The following EML5 variants were observed in gnomAD, a reference collection of about 807,000 sequenced individuals.
The protein encoded by EML5 is EMAP like 5, also known as echinoderm microtubule-associated protein-like 5.
In EML5, 120 loss-of-function variants were observed where a neutral mutation model predicts 250.0. The observed-to-expected ratio is 0.48, with a 90% CI of 0.41 to 0.56. The LOEUF is 0.56. EML5 is among the 20% of genes least tolerant of loss of function. The pLI is 0.00. For synonymous variants in EML5, 771 were observed against 806.5 expected (o/e 0.96, Z 0.75); for missense variants, 2,006 against 2,437.6 (o/e 0.82, Z 3.73).
chr14:88,718,367 G>T (rs1336592396), intron 8 of EML5, among the ~76,000 whole-genome samples: 1 of 152,180 alleles, frequency 6.6e-6, no homozygotes, highest in Admixed American at 6.6e-5. Context: ...GTAAAAAGAA[G>T]AGAAAGTCTA....
intron 25 of EML5, among the ~76,000 whole-genome samples, chr14:88,659,965 C>G (rs1171101502): frequency 6.6e-6 from 1 of 152,074 alleles, no homozygotes; most frequent in Admixed American, 6.6e-5. Context: ...TAATATATAA[C>G]TTAATTTGTG....
At chr14:88,686,489 G>C (rs1176810587) in intron 19 of EML5, among the ~76,000 whole-genome samples, 1 of 151,872 alleles carries the variant, frequency 6.6e-6, no homozygotes, top group East Asian at 1.9e-4. Flanking sequence ...AGGGAGTTGG[G>C]CCTGATGCTG....
chr14:88,618,830 G>A lies in EML5; in HGVS notation c.5376-18C>T, dbSNP rs376830332. ...GACTAAATCTGAATCAAAACAAAAC[G>A]TAAAAAGTATTAGACCACATGAAGT... On this transcript the variant is annotated intron_variant, in intron 39 of 43. Transcript: ENST00000554922. The A allele has an allele frequency of 1.2e-5, 18 of 1,555,310 alleles. No homozygotes were observed. Among genetic ancestry groups the A allele is most frequent in the African/African-American group, 2.7e-5 (2 of 73,032 alleles).
At chr14:88,756,889 G>C (rs1365839603) in intron 1 of EML5, among the ~76,000 whole-genome samples, 1 of 152,144 alleles carries the variant, frequency 6.6e-6, no homozygotes, top group East Asian at 1.9e-4. Context: ...ATATTTGTAA[G>C]ATGGCAATAC....
chr14:88,698,588 T>G (rs2093136019), intron 14 of EML5, among the ~76,000 whole-genome samples: 2 of 152,164 alleles, frequency 1.3e-5, no homozygotes, highest in South Asian at 4.1e-4. Flanking sequence ...CTACTGAGTT[T>G]CCTTCTCAAT....
chr14:88,660,633 C>T (rs1218119336), intron 25 of EML5, among the ~76,000 whole-genome samples: 1 of 152,000 alleles, frequency 6.6e-6, no homozygotes, highest in African/African-American at 2.4e-5. Flanking sequence ...ATCCCAGCTA[C>T]TCAGGGGGCT....
intron 6 of EML5, among the ~76,000 whole-genome samples, chr14:88,737,578 A>G (rs2093862986): frequency 1.3e-5 from 2 of 152,246 alleles, no homozygotes; most frequent in African/African-American, 4.8e-5. Context: ...ATCCTGTGTC[A>G]ATAATTCCAA....
chr14:88,686,027 A>G (rs2092824395), intron 19 of EML5, among the ~76,000 whole-genome samples: 1 of 152,140 alleles, frequency 6.6e-6, no homozygotes, highest in Admixed American at 6.5e-5. Context: ...ATACCCTTAC[A>G]GAGCATACAG....
At chr14:88,725,560 G>GCT (rs1333909423) in intron 8 of EML5, among the ~76,000 whole-genome samples, 1 of 152,100 alleles carries the variant, frequency 6.6e-6, no homozygotes, top group African/African-American at 2.4e-5. Flanking sequence ...TGAGAAATAG[G>GCT]CTGGAAAGAT....
intron 1 of EML5, among the ~76,000 whole-genome samples, chr14:88,791,515 A>G (rs1359914442): frequency 6.6e-6 from 1 of 152,218 alleles, no homozygotes; most frequent in African/African-American, 2.4e-5. Context: ...TTTCAAATAT[A>G]CCGCTCACTA....
chr14:88,744,168 GC>G (rs1386779681), intron 3 of EML5, 77 bp from the exon 4 acceptor site: 3 of 915,736 alleles, frequency 3.3e-6, no homozygotes, highest in Non-Finnish European at 4.8e-6. Flanking sequence ...AGACCAAATG[GC>G]CCAAACTCCT....
intron 27 of EML5, 33 bp downstream of exon 27, chr14:88,657,343 T>A: frequency 6.6e-7 from 1 of 1,524,002 alleles, no homozygotes; most frequent in Non-Finnish European, 8.8e-7. Context: ...GACAATATCT[T>A]TTTCTTCATC....
intron 29 of EML5, 119 bp downstream of exon 29, chr14:88,646,828 T>C (rs1470411667): frequency 1.2e-5 from 12 of 986,254 alleles, no homozygotes; most frequent in Non-Finnish European, 1.3e-5. Context: ...AGGAAAAAAA[T>C]GTGCAAAACT....
chr14:88,752,892 C>T (rs1250739624), intron 2 of EML5, among the ~76,000 whole-genome samples: 6 of 152,088 alleles, frequency 3.9e-5, no homozygotes, highest in Admixed American at 1.3e-4. Flanking sequence ...GATTATCTTC[C>T]CACTCCATCC....
At chr14:88,641,943 T>G (rs1005627696) in intron 31 of EML5, among the ~76,000 whole-genome samples, 1 of 152,198 alleles carries the variant, frequency 6.6e-6, no homozygotes, top group African/African-American at 2.4e-5. Context: ...CAGACAGACC[T>G]CGATTAAGAA....
Position 88,644,464 on chromosome 14 carries a change from T to C in EML5, c.4076A>G (p.Asn1359Ser). ...APPQPEKLQT[N>S]NVGKKKRPIE... Reference sequence around the variant, plus strand: ...AGGTCTCTTTTTCTTGCCTACATTGTTTGTCTGGAGTTTCTCTGGCTGTGG... The same window carrying C: ...AGGTCTCTTTTTCTTGCCTACATTGCTTGTCTGGAGTTTCTCTGGCTGTGG... Residue 1359 changes from asparagine (N) to serine (S), a missense_variant, in exon 30 of 44, where the codon AAC becomes AGC. By Grantham distance (46) the Asn-to-Ser change is conservative. This residue lies in a region of EML5 where 1,375 missense variants were observed against 1,590.3 expected (regional missense o/e 0.86). Transcript: ENST00000554922. The C allele has an allele frequency of 6.2e-7, 1 of 1,613,776 alleles. No individual in the cohort carries two copies. Among genetic ancestry groups the C allele is most frequent in the Non-Finnish European group, 8.5e-7 (1 of 1,179,764 alleles).
chr14:88,656,522 T>C (rs1212224398), intron 27 of EML5, among the ~76,000 whole-genome samples: 7 of 151,864 alleles, frequency 4.6e-5, no homozygotes, highest in African/African-American at 1.7e-4. Context: ...ATGTAGATGA[T>C]GGGCTGATGG....
Position 88,687,263 on chromosome 14 carries a change from A to G in EML5, c.2807T>C (p.Leu936Pro). Residue 936 changes from leucine to proline, a missense_variant, in exon 19 of 44, where the codon CTC (leucine) becomes CCC (proline). Physicochemically the swap from Leu to Pro is moderately conservative, Grantham distance 98. Transcript: ENST00000554922. ...AGCTCTTTTTATAGCATAGGTCTTGAGACATCTTTCAAAAGAGTCATCCCA... is the reference window on the plus strand; with the variant it reads ...AGCTCTTTTTATAGCATAGGTCTTGGGACATCTTTCAAAAGAGTCATCCCA... ...ALWDDSFERCLKTYAIKRAAL... is the reference protein window; with the variant it reads ...ALWDDSFERCPKTYAIKRAAL... 1.2e-6 allele frequency: 2 copies of G among 1,612,606 alleles called. No homozygotes were observed. Among genetic ancestry groups the G allele is most frequent in the Non-Finnish European group, 1.7e-6 (2 of 1,179,388 alleles).
At position 88,715,195 on chromosome 14, in the gene EML5, T is replaced by G; in HGVS notation, c.1188A>C (p.Arg396Ser). 1 of 1,577,576 alleles carries G rather than the reference T, an allele frequency of 6.3e-7. No individual in the cohort carries two copies. The highest frequency in any genetic ancestry group is 8.6e-7 in the Non-Finnish European group (1 of 1,161,656). The change falls in exon 9 of 44, where the codon AGA (arginine) becomes AGC (serine). Residue 396 changes from arginine to serine, a missense_variant and splice_region_variant. Coordinates refer to ENST00000554922, the MANE Select transcript of EML5 (RefSeq NM_183387.3). Reference protein sequence around the residue: ...KDGSFTVLRVRDMTEVVHIKD... With the variant: ...KDGSFTVLRVSDMTEVVHIKD... Reference sequence around the variant, plus strand: ...TAATATGTACAACTTCCGTCATATCTCTGTTAAAAAGAAAAAAATGAGACT... The same window carrying G: ...TAATATGTACAACTTCCGTCATATCGCTGTTAAAAAGAAAAAAATGAGACT...
Sources: gnomAD v4.1 joint callset for allele counts (sites outside exome capture counted in the v4.1 genomes callset) on GRCh38, gnomAD v4.1.1 for gene constraint, gnomAD v4.1.1 regional missense constraint, MANE v1.5 for transcripts, NCBI Gene and HGNC (gene_info 2026-07-23, HGNC 2026-07-21) for gene names.